Variants in MIPEP observed in about 807,000 individuals in gnomAD.
MIPEP encodes mitochondrial intermediate peptidase.
MIPEP carries 79 observed loss-of-function variants against 90.3 expected under a neutral mutation model. That is an observed-to-expected ratio of 0.87 (90% CI 0.73 to 1.05). MIPEP has a LOEUF of 1.05. Among genes scored for constraint, MIPEP ranks in the 50% least tolerant of loss-of-function variants. The probability of loss-of-function intolerance (pLI) is 0.00; values close to 1 mark genes in which losing one functional copy is unlikely to be tolerated. For missense variants in MIPEP, 940 were observed against 905.6 expected, an observed-to-expected ratio of 1.04 and a Z score of -0.49; for synonymous variants, 334 against 315.8, an observed-to-expected ratio of 1.06 and a Z score of -0.61.
intron 16 of MIPEP, among the ~76,000 whole-genome samples, chr13:23,782,558 G>A (rs1952792494): frequency 1.3e-5 from 2 of 152,120 alleles, no homozygotes; most frequent in South Asian, 4.2e-4. Flanking sequence ...AGAGAAGCAA[G>A]AGCAAACACA....
chr13:23,752,448 C>A (rs1296767733), intron 18 of MIPEP, among the ~76,000 whole-genome samples: 1 of 152,194 alleles, frequency 6.6e-6, no homozygotes, highest in Non-Finnish European at 1.5e-5. Context: ...GAAAACTGCA[C>A]ATTTTCTGAA....
chr13:23,785,752 T>A (rs1390358479), intron 16 of MIPEP, among the ~76,000 whole-genome samples: 1 of 151,882 alleles, frequency 6.6e-6, no homozygotes, highest in Non-Finnish European at 1.5e-5. Context: ...ACAGTAAAAA[T>A]TTCATATTAA....
At chr13:23,851,798 G>A (rs1014746041) in intron 10 of MIPEP, among the ~76,000 whole-genome samples, 1 of 151,990 alleles carries the variant, frequency 6.6e-6, no homozygotes, top group Non-Finnish European at 1.5e-5. Context: ...GGATTCGAGT[G>A]ATCCTCCCAC....
At chr13:23,879,918 A>C (rs906202560) in intron 3 of MIPEP, among the ~76,000 whole-genome samples, 1 of 152,162 alleles carries the variant, frequency 6.6e-6, no homozygotes, top group Non-Finnish European at 1.5e-5. Flanking sequence ...TCCAGAGAGC[A>C]AAGGGCCCAA....
chr13:23,756,794 A>G lies in MIPEP; in HGVS notation c.1971-176T>C, dbSNP rs1046133495. On this transcript the variant is annotated intron_variant, in intron 17 of 18. Transcript: ENST00000382172. The stretch of plus-strand genomic sequence containing the variant: ...CAAATTCTGGCTTTTAAATTGTTCT[A>G]AAATAAATTAAATCAGGTGTGACAT... The G allele has an allele frequency of 6.6e-6, 4 of 603,896 alleles. No homozygotes were observed. The African/African-American group carries it at 7.4e-5, about 11-fold the overall frequency. 37.4% of individuals were successfully genotyped at this position (603,896 alleles called of 1,614,324 possible).
intron 1 of MIPEP, chr13:23,888,778 G>C: frequency 1.9e-6 from 2 of 1,056,870 alleles, no homozygotes; most frequent in Non-Finnish European, 2.3e-6. Flanking sequence ...TGTAGCGCTG[G>C]AGCTAAAGGG....
In MIPEP at chr13:23,854,891, C is replaced by CA. The variant is rs1016715043; in HGVS notation, c.1106+3968dup. 6.9e-3 allele frequency among the ~76,000 whole-genome samples: 569 copies of CA among 82,406 alleles called. 3 individuals carry two copies. The highest frequency in any genetic ancestry group is 0.033 in the African/African-American group (538 of 16,072). 54.1% of individuals were successfully genotyped at this position (82,406 alleles called of 152,430 possible). ...TGGGCAACAGAGGAAGATTCTGTCT[C>CA]AAAAAAAAAGAAAAAAAAACAATAA... On this transcript the variant is annotated intron_variant, in intron 10 of 18. Transcript: ENST00000382172.
intron 12 of MIPEP, 119 bp downstream of exon 12, chr13:23,839,530 G>A: frequency 1.9e-6 from 1 of 520,052 alleles, no homozygotes; most frequent in East Asian, 3.3e-5. Flanking sequence ...TATATATTTG[G>A]TAACCATCAT....
intron 18 of MIPEP, among the ~76,000 whole-genome samples, chr13:23,747,118 T>C (rs1434827548): frequency 3.9e-5 from 6 of 152,188 alleles, no homozygotes; most frequent in Admixed American, 3.9e-4. Context: ...TGCCAGAGAA[T>C]GGCTCTGAAA....
At chr13:23,796,949 C>T (rs1194293927) in intron 16 of MIPEP, among the ~76,000 whole-genome samples, 2 of 152,240 alleles carry the variant, frequency 1.3e-5, no homozygotes, top group Non-Finnish European at 2.9e-5. Flanking sequence ...TCACAACACA[C>T]ATCCAAAACA....
chr13:23,757,359 C>T (rs920337942), intron 17 of MIPEP, among the ~76,000 whole-genome samples: 6 of 152,146 alleles, frequency 3.9e-5, no homozygotes, highest in South Asian at 4.2e-4. Flanking sequence ...TGCTCACCCA[C>T]CCACCACACC....
intron 16 of MIPEP, among the ~76,000 whole-genome samples, chr13:23,788,634 G>C (rs559645205): frequency 6.6e-6 from 1 of 152,338 alleles, no homozygotes; most frequent in South Asian, 2.1e-4. Flanking sequence ...AGAGATAGGA[G>C]AGCTGGATTA....
chr13:23,845,830 C>T (rs776104316), intron 10 of MIPEP, among the ~76,000 whole-genome samples: 3 of 151,748 alleles, frequency 2.0e-5, no homozygotes, highest in Non-Finnish European at 4.4e-5. Flanking sequence ...GCTATGTGTG[C>T]TGCATTTCCT....
intron 16 of MIPEP, among the ~76,000 whole-genome samples, chr13:23,772,781 A>G (rs1952667446): frequency 1.3e-5 from 2 of 152,190 alleles, no homozygotes; most frequent in Admixed American, 6.5e-5. Flanking sequence ...TCTAACTTCT[A>G]TGGCAATTCA....
chr13:23,873,512 C>T (rs1191323495), intron 5 of MIPEP, among the ~76,000 whole-genome samples: 2 of 152,124 alleles, frequency 1.3e-5, no homozygotes, highest in East Asian at 3.8e-4. Context: ...ATAGTAGCAC[C>T]AAGCTCAAAA....
At position 23,870,542 on chromosome 13, in the gene MIPEP, C is replaced by T. The variant is rs559051588; in HGVS notation, c.604-347G>A. Among the ~76,000 whole-genome samples, 10 of 152,200 alleles carry T rather than the reference C, an allele frequency of 6.6e-5. No individual in the cohort carries two copies. The East Asian group carries it at 1.4e-3, about 21-fold the overall frequency. ...AACACATGCCAGGTGCAGTGACTCA[C>T]GCCTGTAATCCCAGCACTTTGGGAG... On this transcript the variant is annotated intron_variant, in intron 5 of 18. Coordinates refer to ENST00000382172, the MANE Select transcript of MIPEP (RefSeq NM_005932.4).
At position 23,787,806 on chromosome 13, in the gene MIPEP, C is replaced by G. The variant is rs569299500; in HGVS notation, c.1848+18144G>C. Among the ~76,000 whole-genome samples the G allele has an allele frequency of 3.3e-5, 5 of 152,266 alleles. No homozygotes were observed. The South Asian group carries it at 8.3e-4, about 25-fold the overall frequency. On this transcript the variant is annotated intron_variant, in intron 16 of 18. Coordinates refer to ENST00000382172, the MANE Select transcript of MIPEP (RefSeq NM_005932.4). ...TTAAAGGAGAGGGAAAGAATTTAGG[C>G]TCTAGGGAAATGGATGTTATATCTA...
intron 16 of MIPEP, among the ~76,000 whole-genome samples, chr13:23,796,927 T>G (rs1437971647): frequency 6.6e-6 from 1 of 152,234 alleles, no homozygotes; most frequent in Admixed American, 6.5e-5. Flanking sequence ...CACTATTCTG[T>G]TACTTGGGAA....
intron 16 of MIPEP, among the ~76,000 whole-genome samples, chr13:23,784,108 G>T (rs575157516): frequency 5.9e-5 from 9 of 152,148 alleles, no homozygotes; most frequent in South Asian, 4.2e-4. Flanking sequence ...AGCTACCAAT[G>T]ACTTTCTTCA....
Sources: allele counts gnomAD v4.1 joint callset (sites outside exome capture counted in the v4.1 genomes callset), GRCh38; gene constraint gnomAD v4.1.1; transcripts MANE v1.5; gene names NCBI Gene and HGNC (gene_info 2026-07-23, HGNC 2026-07-21).